The following TTLL1 variants were observed in gnomAD, a reference collection of about 807,000 sequenced individuals.
TTLL1 encodes TTL family tubulin polyglutamylase complex subunit L1.
In TTLL1, 33 loss-of-function variants were observed where a neutral mutation model predicts 47.8. That is an observed-to-expected ratio of 0.69 (90% confidence interval 0.52 to 0.92). The LOEUF is 0.92. Among genes scored for constraint, TTLL1 ranks in the 40% least tolerant of loss-of-function variants. The probability of loss-of-function intolerance (pLI) is 0.00; values close to 1 mark genes in which losing one functional copy is unlikely to be tolerated. For missense variants in TTLL1, 488 were observed against 547.5 expected (o/e 0.89, Z 1.08); for synonymous variants, 225 against 214.1 (o/e 1.05, Z -0.45).
chr22:43,068,704 AC>A, intron 4 of TTLL1, 114 bp from the exon 5 acceptor site: 2 of 928,924 alleles, frequency 2.2e-6, no homozygotes, highest in Non-Finnish European at 3.0e-6. Context: ...CCCCACCGCA[AC>A]CCAGCAGCTA....
intron 8 of TTLL1, among the ~76,000 whole-genome samples, chr22:43,056,476 T>A (rs1047995696): frequency 1.2e-4 from 18 of 148,484 alleles, no homozygotes; most frequent in African/African-American, 3.7e-4. Context: ...TTTTTTTTTT[T>A]TTTTTTTTTT....
chr22:43,052,169 C>A, intron 8 of TTLL1: 1 of 427,720 alleles, frequency 2.3e-6, no homozygotes, highest in South Asian at 2.2e-5. Context: ...CCTCTGTTGG[C>A]GTGAGACTGT....
intron 3 of TTLL1, among the ~76,000 whole-genome samples, chr22:43,073,335 A>G (rs536845397): frequency 1.2e-3 from 147 of 118,296 alleles, no homozygotes; most frequent in Admixed American, 2.5e-3. Flanking sequence ...CTATTTATTT[A>G]TTTATTTATT....
chr22:43,059,577 G>A (rs1208186172), intron 7 of TTLL1, 50 bp from the exon 8 acceptor site: 1 of 1,550,036 alleles, frequency 6.5e-7, no homozygotes, highest in East Asian at 2.3e-5. Context: ...CACCCCAGAG[G>A]AACCCAGCGG....
chr22:43,045,940 G>T (rs552280009), intron 10 of TTLL1, among the ~76,000 whole-genome samples: 1 of 152,126 alleles, frequency 6.6e-6, no homozygotes, highest in African/African-American at 2.4e-5. Flanking sequence ...GCTTTTCTGG[G>T]CTGGGTGCAG....
intron 8 of TTLL1, among the ~76,000 whole-genome samples, chr22:43,058,088 C>T (rs552716019): frequency 6.6e-5 from 10 of 151,940 alleles, no homozygotes; most frequent in African/African-American, 1.9e-4. Context: ...GGACTACAGG[C>T]GCCCACTACC....
intron 1 of TTLL1, among the ~76,000 whole-genome samples, chr22:43,081,845 C>A (rs1200444268): frequency 1.2e-5 from 1 of 86,046 alleles, no homozygotes; most frequent in African/African-American, 4.6e-5. Flanking sequence ...TCACACCTGG[C>A]CTTTTTTTTT....
intron 5 of TTLL1, among the ~76,000 whole-genome samples, chr22:43,067,878 A>G (rs1927842604): frequency 2.0e-5 from 3 of 151,414 alleles, no homozygotes; most frequent in African/African-American, 7.3e-5. Flanking sequence ...ATCTCAGCTC[A>G]CTGCAACCTC....
chr22:43,071,733 G>A (rs1488503689), intron 3 of TTLL1, among the ~76,000 whole-genome samples: 2 of 152,214 alleles, frequency 1.3e-5, no homozygotes, highest in Non-Finnish European at 2.9e-5. Context: ...TTGGAAGGCT[G>A]AGAATTGGGG....
At chr22:43,051,940 G>A in intron 8 of TTLL1, 53 bp from the exon 9 acceptor site, 8 of 1,546,370 alleles carry the variant, frequency 5.2e-6, no homozygotes, top group South Asian at 1.1e-5. Context: ...GGGCGCAGCC[G>A]AGACCAACGC....
chr22:43,067,787 C>A (rs752224371), intron 5 of TTLL1, among the ~76,000 whole-genome samples: 1 of 151,674 alleles, frequency 6.6e-6, no homozygotes. Flanking sequence ...GCCTGGCTAA[C>A]AGGGCAAAAC....
intron 2 of TTLL1, among the ~76,000 whole-genome samples, chr22:43,077,617 C>T (rs1415579436): frequency 1.3e-5 from 2 of 152,084 alleles, no homozygotes; most frequent in Non-Finnish European, 2.9e-5. Flanking sequence ...CTGTGGGACT[C>T]GGAGCTATCA....
chr22:43,047,905 T>G (rs184942325), intron 9 of TTLL1, among the ~76,000 whole-genome samples: 10 of 152,316 alleles, frequency 6.6e-5, no homozygotes, highest in Admixed American at 3.9e-4. Context: ...TCTGTGCTGC[T>G]AGCAGTGTAT....
At chr22:43,053,946 G>A (rs558144975) in intron 8 of TTLL1, among the ~76,000 whole-genome samples, 2 of 152,254 alleles carry the variant, frequency 1.3e-5, no homozygotes, top group Admixed American at 6.5e-5. Context: ...GCTTAATCCG[G>A]CATTAGAATT....
At chr22:43,046,285 AT>A (rs1310126087) in intron 10 of TTLL1, 124 bp downstream of exon 10, 10 of 1,011,198 alleles carry the variant, frequency 9.9e-6, no homozygotes, top group Non-Finnish European at 1.5e-5. Flanking sequence ...CCATCATGTC[AT>A]TAGTAAATGA....
intron 4 of TTLL1, 107 bp from the exon 5 acceptor site, chr22:43,068,697 C>CA: frequency 1.0e-6 from 1 of 996,220 alleles, no homozygotes; most frequent in South Asian, 3.2e-5. Context: ...GAGTGTCCCC[C>CA]ACCGCAACCC....
At position 43,039,784 on chromosome 22, in the gene TTLL1, A is replaced by T. The variant is rs766678425; in HGVS notation, c.1264T>A (p.Trp422Arg). 1 of 1,611,208 alleles carries T rather than the reference A, an allele frequency of 6.2e-7. No individual in the cohort carries two copies. Among genetic ancestry groups the T allele is most frequent in the East Asian group, 2.2e-5 (1 of 44,724 alleles). Reference protein sequence around the residue: ...RDSGRAVLTTWK With the variant: ...RDSGRAVLTTRK ...TAAGGTCCAGGTGGGACTCACTTCC[A>T]GGTGGTGAGGACCGCTCTCCCCGAG... The change falls in exon 11 of 11, where the codon TGG (tryptophan) becomes AGG (arginine). Residue 422 changes from tryptophan (W) to arginine (R), a missense_variant. Coordinates refer to ENST00000266254, the MANE Select transcript of TTLL1 (RefSeq NM_012263.5).
chr22:43,073,363 A>T (rs9611996), intron 3 of TTLL1, among the ~76,000 whole-genome samples: 117 of 80,288 alleles, frequency 1.5e-3, no homozygotes, highest in Admixed American at 3.2e-3. Flanking sequence ...TTATTTATTT[A>T]TTTTATTTTT....
At chr22:43,053,847 G>C (rs1926814842) in intron 8 of TTLL1, among the ~76,000 whole-genome samples, 1 of 152,208 alleles carries the variant, frequency 6.6e-6, no homozygotes, top group South Asian at 2.1e-4. Context: ...GGGCCAGGCT[G>C]AAAGAATACA....
Sources: allele counts gnomAD v4.1 joint callset (sites outside exome capture counted in the v4.1 genomes callset), GRCh38; gene constraint gnomAD v4.1.1; transcripts MANE v1.5; gene names NCBI Gene and HGNC (gene_info 2026-07-23, HGNC 2026-07-21).